The following LRP1B variants were observed in gnomAD, a reference collection of about 807,000 sequenced individuals.
LRP1B encodes LDL receptor related protein 1B, also known as low-density lipoprotein receptor-related protein 1B.
Under a neutral mutation model 556.6 loss-of-function variants are expected in LRP1B, and 217 were observed. The ratio of observed to expected loss-of-function variants is 0.39; its 90% CI spans 0.35 to 0.44. The LOEUF is 0.44. Ranked by LOEUF, LRP1B falls within the 20% of genes least tolerant of loss-of-function variation. LRP1B has a pLI of 1.00. For synonymous variants in LRP1B, 2,047 were observed against 1,865.8 expected (o/e 1.10, Z -2.50); for missense variants, 5,053 against 5,620.8 (o/e 0.90, Z 3.23).
At chr2:140,514,591 T>TA in intron 51 of LRP1B, 62 bp downstream of exon 51, 1 of 1,455,770 alleles carries the variant, frequency 6.9e-7, no homozygotes, top group South Asian at 1.6e-5. Context: ...GTGTATGCTA[T>TA]AAAATGATAG....
chr2:140,866,508 T>G (rs1473683224), intron 27 of LRP1B, among the ~76,000 whole-genome samples: 1 of 152,098 alleles, frequency 6.6e-6, no homozygotes, highest in African/African-American at 2.4e-5. Context: ...TGCTCACCTA[T>G]GTAAGCAGTA....
chr2:141,271,919 G>A (rs1047470379), intron 3 of LRP1B, among the ~76,000 whole-genome samples: 2 of 151,930 alleles, frequency 1.3e-5, no homozygotes, highest in Admixed American at 1.3e-4. Flanking sequence ...ATATAGAAAT[G>A]TAATAGATTT....
intron 1 of LRP1B, among the ~76,000 whole-genome samples, chr2:141,823,195 T>G (rs7602631): frequency 0.15 from 22,704 of 151,956 alleles, 1,800 homozygotes; most frequent in Middle Eastern, 0.18. Flanking sequence ...AAGAGTTATC[T>G]AGGATTCTCC....
At chr2:141,382,950 GA>G (rs972817080) in intron 3 of LRP1B, among the ~76,000 whole-genome samples, 21 of 150,656 alleles carry the variant, frequency 1.4e-4, no homozygotes, top group South Asian at 4.2e-4. Flanking sequence ...TAAAGAATGA[GA>G]AAAAAAAATA....
Position 140,573,745 on chromosome 2 carries a change from C to G in LRP1B, c.7194+24886G>C, listed in dbSNP as rs16844262. Among the ~76,000 whole-genome samples the G allele has an allele frequency of 3.0e-3, 457 of 151,998 alleles. 3 individuals are homozygous for G. Among genetic ancestry groups the G allele is most frequent in the Admixed American group, 5.3e-3 (81 of 15,262 alleles). The stretch of plus-strand genomic sequence containing the variant: ...ACTATTTCCAAGTCAGTGTGTTTTC[C>G]TAAGGCCCTCTTAATATCTGGTTTC... On this transcript the variant is annotated intron_variant, in intron 43 of 90. Coordinates refer to ENST00000389484, the MANE Select transcript of LRP1B (RefSeq NM_018557.3).
intron 2 of LRP1B, among the ~76,000 whole-genome samples, chr2:141,718,437 A>T (rs1422018802): frequency 1.3e-5 from 2 of 152,176 alleles, no homozygotes; most frequent in Non-Finnish European, 2.9e-5. Context: ...CTCCAAACTC[A>T]TAAAGTCCCC....
intron 1 of LRP1B, among the ~76,000 whole-genome samples, chr2:141,896,037 AG>A (rs1699443274): frequency 6.6e-6 from 1 of 152,188 alleles, no homozygotes; most frequent in Non-Finnish European, 1.5e-5. Context: ...CTAACAGAAA[AG>A]TTTCCAACAT....
intron 3 of LRP1B, among the ~76,000 whole-genome samples, chr2:141,468,059 C>T (rs1682313437): frequency 6.6e-6 from 1 of 151,898 alleles, no homozygotes; most frequent in African/African-American, 2.4e-5. Context: ...GAAACTTATA[C>T]ATGGGAAGAA....
intron 41 of LRP1B, among the ~76,000 whole-genome samples, chr2:140,688,392 T>C (rs186558880): frequency 2.7e-4 from 41 of 152,322 alleles, no homozygotes; most frequent in African/African-American, 9.4e-4. Context: ...ATAGATTGAT[T>C]TATAGCTCAT....
chr2:141,241,339 A>G (rs865942885), intron 5 of LRP1B, among the ~76,000 whole-genome samples: 10 of 152,244 alleles, frequency 6.6e-5, no homozygotes, highest in African/African-American at 2.4e-4. Flanking sequence ...CTTATTCAGT[A>G]TAGTGTGATT....
intron 41 of LRP1B, among the ~76,000 whole-genome samples, chr2:140,699,911 C>T (rs1686569944): frequency 7.4e-6 from 1 of 134,554 alleles, no homozygotes; most frequent in Non-Finnish European, 1.5e-5. Flanking sequence ...TACAATTTGC[C>T]CACTGGAAAA....
intron 3 of LRP1B, among the ~76,000 whole-genome samples, chr2:141,368,944 C>G (rs1573866062): frequency 2.0e-5 from 3 of 152,022 alleles, no homozygotes. Flanking sequence ...TATTAATCTG[C>G]TGGAAATGAA....
intron 83 of LRP1B, among the ~76,000 whole-genome samples, chr2:140,311,887 G>A (rs993938719): frequency 1.3e-5 from 2 of 151,710 alleles, no homozygotes; most frequent in East Asian, 1.9e-4. Flanking sequence ...TATGCCCCAC[G>A]TACATATGTG....
chr2:140,579,315 C>CT (rs796504479), intron 43 of LRP1B, among the ~76,000 whole-genome samples: 26 of 150,884 alleles, frequency 1.7e-4, no homozygotes, highest in African/African-American at 4.4e-4. Flanking sequence ...AGATCAGTAG[C>CT]TTTTTTTTTA....
At chr2:141,966,537 A>G (rs563406547) in intron 1 of LRP1B, among the ~76,000 whole-genome samples, 3 of 151,970 alleles carry the variant, frequency 2.0e-5, no homozygotes, top group South Asian at 2.1e-4. Flanking sequence ...ACAATGGTGC[A>G]GATTTTAACT....
intron 2 of LRP1B, among the ~76,000 whole-genome samples, chr2:141,555,226 G>C (rs969860661): frequency 1.3e-5 from 2 of 151,916 alleles, no homozygotes; most frequent in Admixed American, 1.3e-4. Flanking sequence ...TACAAACAAG[G>C]AGCTGGTGAG....
At chr2:140,280,360 A>G (rs373708565) in intron 84 of LRP1B, among the ~76,000 whole-genome samples, 94 of 151,896 alleles carry the variant, frequency 6.2e-4, no homozygotes, top group African/African-American at 2.2e-3. Context: ...GGGGGGTGGT[A>G]TAAAGAAGGG....
intron 3 of LRP1B, among the ~76,000 whole-genome samples, chr2:141,337,893 A>C (rs1687904242): frequency 6.6e-6 from 1 of 152,192 alleles, no homozygotes; most frequent in Non-Finnish European, 1.5e-5. Flanking sequence ...AAATGAATTG[A>C]GATATTCTTG....
At chr2:140,988,562 A>G (rs1696997379) in intron 17 of LRP1B, among the ~76,000 whole-genome samples, 1 of 152,084 alleles carries the variant, frequency 6.6e-6, no homozygotes, top group Non-Finnish European at 1.5e-5. Flanking sequence ...GTGCTGGAAA[A>G]AAAAGCTCAA....
Sources: allele counts gnomAD v4.1 joint callset (sites outside exome capture counted in the v4.1 genomes callset), GRCh38; gene constraint gnomAD v4.1.1; transcripts MANE v1.5; gene names NCBI Gene and HGNC (gene_info 2026-07-23, HGNC 2026-07-21).